The following COLGALT1 variants were observed in gnomAD, a reference collection of about 807,000 sequenced individuals.
COLGALT1 encodes the protein procollagen galactosyltransferase 1.
COLGALT1 carries 43 observed loss-of-function variants against 60.8 expected under a neutral mutation model. The observed-to-expected ratio is 0.71, with a 90% CI of 0.55 to 0.91. The LOEUF is 0.91. Among genes scored for constraint, COLGALT1 ranks in the 40% least tolerant of loss-of-function variants. COLGALT1 has a pLI of 0.00. For synonymous variants in COLGALT1, 369 were observed against 374.2 expected, an observed-to-expected ratio of 0.99 and a Z score of 0.16; for missense variants, 845 against 880.0, an observed-to-expected ratio of 0.96 and a Z score of 0.50.
intron 6 of COLGALT1, among the ~76,000 whole-genome samples, chr19:17,576,240 G>A (rs529908221): frequency 7.2e-5 from 11 of 152,190 alleles, no homozygotes; most frequent in Admixed American, 5.9e-4. Flanking sequence ...GCAAGGATGC[G>A]AGCTTTGGTG....
chr19:17,561,955 C>A (rs147743273), intron 3 of COLGALT1, among the ~76,000 whole-genome samples: 5,588 of 152,208 alleles, frequency 0.037, 307 homozygotes, highest in African/African-American at 0.12. Flanking sequence ...ACTGCAGCCT[C>A]CTCCTCCTGG....
chr19:17,581,432 G>T lies in COLGALT1; in HGVS notation c.1857G>T (p.Arg619=). The part of the protein sequence containing the change: ...VLQSPLDSAA[R]DEL ...AGTCCCCACTGGACAGTGCTGCCCG[G>T]GATGAACTCTGAGGGGTAGCAGCCA... The change falls in exon 12 of 12, where the codon CGG becomes CGT. Residue 619 remains arginine (R), a synonymous_variant. Transcript: ENST00000252599. 5 of 1,608,014 alleles carry T rather than the reference G, an allele frequency of 3.1e-6. No individual in the cohort carries two copies. The highest frequency in any genetic ancestry group is 4.2e-6 in the Non-Finnish European group (5 of 1,179,292).
At chr19:17,575,308 C>T (rs552675926) in intron 6 of COLGALT1, among the ~76,000 whole-genome samples, 71 of 152,244 alleles carry the variant, frequency 4.7e-4, no homozygotes, top group Admixed American at 4.3e-3. Context: ...TGCAGTGGCC[C>T]GATCTCGGCT....
In COLGALT1 at chr19:17,582,602, C is replaced by A. The variant is rs1268142749; in HGVS notation, c.*1158C>A. 1 of 152,218 alleles carries A rather than the reference C, an allele frequency of 6.6e-6. No homozygotes were observed. Among genetic ancestry groups the A allele is most frequent in the African/African-American group, 2.4e-5 (1 of 41,452 alleles). The allele number at this position is 152,218 out of a possible 1,614,324, so 9.4% of individuals were successfully genotyped here. A position where few individuals can be genotyped will look rare whatever the true frequency, so the allele number is the denominator to read the frequency against. On this transcript the variant is annotated 3_prime_UTR_variant, in exon 12 of 12. Transcript: ENST00000252599. ...ATGAACAAGATCGGTTCCTTCACTT[C>A]TTCATGCCACAAGTGTTTATTGAGC...
chr19:17,572,338 C>A, intron 5 of COLGALT1, 145 bp from the exon 6 acceptor site: 1 of 1,140,824 alleles, frequency 8.8e-7, no homozygotes, highest in Non-Finnish European at 1.3e-6. Flanking sequence ...GATATAAGGT[C>A]TTGCTCTGTT....
chr19:17,565,356 G>A (rs1182494728), intron 3 of COLGALT1, among the ~76,000 whole-genome samples: 1 of 151,886 alleles, frequency 6.6e-6, no homozygotes, highest in African/African-American at 2.4e-5. Context: ...TAGTAGAGAC[G>A]GGGTTTCACC....
At chr19:17,562,694 G>A (rs1463118751) in intron 3 of COLGALT1, among the ~76,000 whole-genome samples, 6 of 151,784 alleles carry the variant, frequency 4.0e-5, no homozygotes, top group Non-Finnish European at 7.4e-5. Context: ...GCAGGAAGCT[G>A]GAGTAGAGGC....
intron 8 of COLGALT1, 75 bp downstream of exon 8, chr19:17,577,542 A>G (rs2076352046): frequency 2.3e-6 from 3 of 1,294,506 alleles, no homozygotes; most frequent in East Asian, 5.2e-5. Context: ...GTAGACGGCA[A>G]GTGATTCAGA....
At chr19:17,567,106 C>T (rs1208747149) in intron 3 of COLGALT1, among the ~76,000 whole-genome samples, 1 of 151,916 alleles carries the variant, frequency 6.6e-6, no homozygotes, top group Non-Finnish European at 1.5e-5. Context: ...CAGAGCGAGA[C>T]TCCGTCTCAA....
At chr19:17,572,986 G>A (rs1444363427) in intron 6 of COLGALT1, among the ~76,000 whole-genome samples, 1 of 152,170 alleles carries the variant, frequency 6.6e-6, no homozygotes, top group East Asian at 1.9e-4. Context: ...CTGGTATCCA[G>A]GGCCAGGGTG....
intron 1 of COLGALT1, among the ~76,000 whole-genome samples, chr19:17,556,243 C>T (rs2076210482): frequency 6.6e-6 from 1 of 152,222 alleles, no homozygotes; most frequent in African/African-American, 2.4e-5. Flanking sequence ...CGAGTTCCTC[C>T]TGCTGGCTCC....
rs1015499536 is a variant in COLGALT1 at position 17,579,407 on chromosome 19, C to T, written c.1267-75C>T. On this transcript the variant is annotated intron_variant, in intron 9 of 11. Coordinates refer to ENST00000252599, the MANE Select transcript of COLGALT1 (RefSeq NM_024656.4). ...TCTCTACGGGTCTTTCAAACCTTCTCAAAGCAAAGCTCTGTGCTTTAGGGT... is the reference window on the plus strand; with the variant it reads ...TCTCTACGGGTCTTTCAAACCTTCTTAAAGCAAAGCTCTGTGCTTTAGGGT... The T allele has an allele frequency of 1.9e-6, 3 of 1,595,934 alleles. No individual in the cohort carries two copies. In the African/African-American group the frequency reaches 4.0e-5, roughly 21 times the overall value.
intron 6 of COLGALT1, 92 bp from the exon 7 acceptor site, chr19:17,577,103 G>A (rs1244593771): frequency 4.6e-6 from 6 of 1,315,166 alleles, no homozygotes; most frequent in Non-Finnish European, 5.4e-6. Flanking sequence ...GAGCCAGTCT[G>A]ACTGGGAGCC....
Position 17,581,724 on chromosome 19 carries a change from C to G in COLGALT1, c.*280C>G, listed in dbSNP as rs1323458986. ...GCATTTATTAAGCACCTGCTGTATG[C>G]AAGGTTCCCATGTTACGGCAGTGAA... On this transcript the variant is annotated 3_prime_UTR_variant, in exon 12 of 12. Transcript: ENST00000252599. 5 of 496,024 alleles carry G rather than the reference C, an allele frequency of 1.0e-5. No homozygotes were observed. Among genetic ancestry groups the G allele is most frequent in the Non-Finnish European group, 1.8e-5 (5 of 275,282 alleles). The allele number at this position is 496,024 out of a possible 1,614,324, so 30.7% of individuals were successfully genotyped here. A position where few individuals can be genotyped will look rare whatever the true frequency, so the allele number is the denominator to read the frequency against.
In COLGALT1 at chr19:17,556,489, G is replaced by T. The variant is rs75189623; in HGVS notation, c.260+516G>T. On this transcript the variant is annotated intron_variant, in intron 1 of 11. Transcript: ENST00000252599. The stretch of plus-strand genomic sequence containing the variant: ...GGCCCCAGTCAAACCCCTGCCCTCA[G>T]ACCGGCGTGGGTGGAGTCCAGGACC... 4,983 of 981,654 alleles carry T rather than the reference G, an allele frequency of 5.1e-3. 195 individuals carry two copies. The African/African-American group carries it at 0.082, about 16-fold the overall frequency. The allele number at this position is 981,654 out of a possible 1,614,324, so 60.8% of individuals were successfully genotyped here.
chr19:17,580,543 G>A (rs2076374030), intron 10 of COLGALT1, 156 bp from the exon 11 acceptor site: 1 of 691,746 alleles, frequency 1.4e-6, no homozygotes, highest in South Asian at 1.8e-5. Flanking sequence ...CAGACCCCTG[G>A]GCTCCTGCAT....
chr19:17,566,879 C>T (rs764093022), intron 3 of COLGALT1, among the ~76,000 whole-genome samples: 3 of 152,034 alleles, frequency 2.0e-5, no homozygotes, highest in Non-Finnish European at 2.9e-5. Flanking sequence ...TTTGAGAGGC[C>T]GAGGTGGACG....
At chr19:17,579,374 C>T in intron 9 of COLGALT1, 108 bp from the exon 10 acceptor site, 1 of 1,443,888 alleles carries the variant, frequency 6.9e-7, no homozygotes, top group Non-Finnish European at 9.6e-7. Context: ...CAGGGAGATG[C>T]ACTGGCTTCT....
chr19:17,581,039 A>C (rs2076378176), intron 11 of COLGALT1, 134 bp downstream of exon 11: 1 of 1,382,484 alleles, frequency 7.2e-7, no homozygotes, highest in East Asian at 2.3e-5. Flanking sequence ...GCCCCCTCGC[A>C]GATCTGTCTC....
Sources: gnomAD v4.1 joint callset for allele counts (sites outside exome capture counted in the v4.1 genomes callset) on GRCh38, gnomAD v4.1.1 for gene constraint, MANE v1.5 for transcripts, NCBI Gene and HGNC (gene_info 2026-07-23, HGNC 2026-07-21) for gene names.